The following ARMCX4 variants were observed in gnomAD, a reference collection of about 807,000 sequenced individuals.
ARMCX4 encodes armadillo repeat-containing X-linked protein 4.
Under a neutral mutation model 34.7 loss-of-function variants are expected in ARMCX4, and 3 were observed. The observed-to-expected ratio is 0.09, with a 90% CI of 0.04 to 0.22. The LOEUF (loss-of-function observed/expected upper bound fraction) is 0.22, where lower values mean the gene tolerates loss of function less well. Ranked by LOEUF, ARMCX4 falls within the 10% of genes least tolerant of loss-of-function variation. The pLI, the probability that ARMCX4 is intolerant of heterozygous loss-of-function variation, is 1.00. For missense variants in ARMCX4, 1,448 were observed against 1,720.8 expected (o/e 0.84, Z 2.81); for synonymous variants, 513 against 632.8 (o/e 0.81, Z 2.84).
chrX:101,513,135 G>A (rs1934631096), intron 11 of ARMCX4, among the ~76,000 whole-genome samples: 1 of 110,567 alleles, frequency 9.0e-6, no homozygotes, highest in African/African-American at 3.3e-5. Context: ...AGCTGATTTG[G>A]TGAGACCTAT....
At position 101,468,566 on chromosome X, in the gene ARMCX4, A is replaced by G. The variant is rs374498056; in HGVS notation, c.-472-17457A>G. Among the ~76,000 whole-genome samples the G allele has an allele frequency of 1.2e-3, 138 of 110,880 alleles. 1 individual carries two copies. The highest frequency in any genetic ancestry group is 4.3e-3 in the African/African-American group (130 of 30,493). On this transcript the variant is annotated intron_variant and NMD_transcript_variant, in intron 4 of 15. Transcript: ENST00000433011. ...TGGCCTCCCAAAGTGCTGGGATTAC[A>G]GGTGTGAGGCACCACGCCTGTCCTT...
Position 101,502,114 on chromosome X carries a change from G to T in ARMCX4, c.*1177+2748G>T, listed in dbSNP as rs1330159002. Among the ~76,000 whole-genome samples, 3 of 112,416 alleles carry T rather than the reference G, an allele frequency of 2.7e-5. No individual in the cohort carries two copies. In the East Asian group the frequency reaches 8.5e-4, roughly 32 times the overall value. Reference sequence around the variant, plus strand: ...AGCTCCTGACATGCTACTACATCCTGGTAGAGATGAAATGCCTGACTATAG... The same window carrying T: ...AGCTCCTGACATGCTACTACATCCTTGTAGAGATGAAATGCCTGACTATAG... On this transcript the variant is annotated intron_variant and NMD_transcript_variant, in intron 7 of 12. Transcript: ENST00000354842.
downstream of ARMCX4, among the ~76,000 whole-genome samples, chrX:101,497,628 A>T (rs1421171594): frequency 2.7e-5 from 3 of 112,142 alleles, no homozygotes; most frequent in Non-Finnish European, 5.6e-5. Context: ...AGATGGATTC[A>T]TATTAGGCAG....
intron 2 of ARMCX4, among the ~76,000 whole-genome samples, chrX:101,433,385 T>C (rs1930444049): frequency 9.1e-6 from 1 of 109,909 alleles, no homozygotes; most frequent in African/African-American, 3.3e-5. Flanking sequence ...TACATATATG[T>C]ACATATATAC....
chrX:101,490,806 G>C lies in ARMCX4; in HGVS notation c.2217G>C (p.Gly739=). ...ATCCCACTACTGTGCCTAATTCAGG[G>C]GTTGGGCCATATACAACAGACTCTG... ...RGNPTTVPNS[G]VGPYTTDSAR... The change falls in exon 6 of 6, where the codon GGG becomes GGC. Residue 739 remains glycine (G), a synonymous_variant. Coordinates refer to ENST00000423738, the MANE Select transcript of ARMCX4 (RefSeq NM_001256155.3). The C allele has an allele frequency of 1.8e-6, 2 of 1,106,908 alleles. No individual in the cohort carries two copies. Among genetic ancestry groups the C allele is most frequent in the Non-Finnish European group, 2.4e-6 (2 of 841,604 alleles). The allele number at this position is 1,106,908 out of a possible 1,213,427, so 91.2% of individuals were successfully genotyped here.
In ARMCX4 at chrX:101,432,862, G is replaced by A. The variant is rs782017730; in HGVS notation, n.165-11190G>A. Among the ~76,000 whole-genome samples, 182 of 80,470 alleles carry A rather than the reference G, an allele frequency of 2.3e-3. 1 individual carries two copies. Among genetic ancestry groups the A allele is most frequent in the African/African-American group, 8.3e-3 (175 of 21,123 alleles). 69.9% of individuals were successfully genotyped at this position (80,470 alleles called of 115,157 possible). ...TGTATACATATGTGTATATATACAC[G>A]TATATATACACATATGTATACGTGT... On this transcript the variant is annotated intron_variant and non_coding_transcript_variant, in intron 2 of 3. Transcript: ENST00000430461.
chrX:101,433,498 G>T (rs1285640057), intron 2 of ARMCX4, among the ~76,000 whole-genome samples: 5 of 111,151 alleles, frequency 4.5e-5, no homozygotes, highest in Non-Finnish European at 9.4e-5. Context: ...AAACATTTTT[G>T]GGAAAAGTAC....
At chrX:101,431,291 G>T (rs944505997) in intron 2 of ARMCX4, among the ~76,000 whole-genome samples, 1 of 111,453 alleles carries the variant, frequency 9.0e-6, no homozygotes, top group Non-Finnish European at 1.9e-5. Flanking sequence ...GAAGGAGTTG[G>T]GTGTCACTCC....
chrX:101,533,764 A>G (rs1169367073), downstream of ARMCX4, among the ~76,000 whole-genome samples: 1 of 112,096 alleles, frequency 8.9e-6, no homozygotes, highest in African/African-American at 3.2e-5. Context: ...CACTAGAAGC[A>G]TTTCCATTAA....
rs1449655521 is a variant in ARMCX4 at position 101,488,803 on chromosome X, G to A, written c.214G>A (p.Glu72Lys). 3.1e-5 allele frequency: 36 copies of A among 1,154,671 alleles called. No individual in the cohort carries two copies. The highest frequency in any genetic ancestry group is 4.0e-5 in the Non-Finnish European group (35 of 872,866). ...EAEIKTKPQVEIGAETGARSG... is the reference protein window; with the variant it reads ...EAEIKTKPQVKIGAETGARSG... ...AGAGATTAAGACTAAACCCCAAGTC[G>A]AGATTGGAGCAGAAACTGGAGCAAG... Residue 72 changes from glutamate to lysine, a missense_variant, in exon 6 of 6, where the codon GAG becomes AAG. Physicochemically the swap from Glu to Lys is moderately conservative, Grantham distance 56. This residue lies in a region of ARMCX4 where 1,343 missense variants were observed against 1,540.7 expected (regional missense o/e 0.87). Coordinates refer to ENST00000423738, the MANE Select transcript of ARMCX4 (RefSeq NM_001256155.3).
Position 101,419,539 on chromosome X carries a change from T to G in ARMCX4, n.164+539T>G, listed in dbSNP as rs782663835. 1.3e-4 allele frequency among the ~76,000 whole-genome samples: 15 copies of G among 112,107 alleles called. No individual in the cohort carries two copies. The South Asian group carries it at 5.5e-3, about 41-fold the overall frequency. ...GATATGATCTATTTTGTGGGGAGAC[T>G]AGCAGCAAAGTAAGACATAAAGATA... On this transcript the variant is annotated intron_variant and non_coding_transcript_variant, in intron 2 of 3. Transcript: ENST00000430461.
At chrX:101,464,055 G>C (rs905975508) in intron 4 of ARMCX4, among the ~76,000 whole-genome samples, 2 of 109,833 alleles carry the variant, frequency 1.8e-5, no homozygotes, top group African/African-American at 6.6e-5. Context: ...ACCGCGCCCA[G>C]CCTATTTTTT....
chrX:101,457,437 T>TA (rs1164355405), intron 4 of ARMCX4, among the ~76,000 whole-genome samples: 5 of 110,971 alleles, frequency 4.5e-5, no homozygotes, highest in African/African-American at 6.6e-5. Context: ...ATTTATTGGT[T>TA]AAAAAAAATG....
intron 8 of ARMCX4, among the ~76,000 whole-genome samples, chrX:101,508,595 G>C (rs1361151571): frequency 9.0e-6 from 1 of 111,148 alleles, no homozygotes. Context: ...TCACATTAAG[G>C]GTTTAGGGCT....
At chrX:101,512,041 G>A (rs1458789512) in intron 11 of ARMCX4, among the ~76,000 whole-genome samples, 1 of 111,226 alleles carries the variant, frequency 9.0e-6, no homozygotes, top group Non-Finnish European at 1.9e-5. Flanking sequence ...ACCTAGTATA[G>A]GGGCTGGAGG....
At chrX:101,433,041 C>CACATATGTATACATACACGTGTATATAT (rs1930310855) in intron 2 of ARMCX4, among the ~76,000 whole-genome samples, 13 of 67,347 alleles carry the variant, frequency 1.9e-4, no homozygotes, top group East Asian at 4.7e-4. Flanking sequence ...CGTGTATATA[C>CACATATGTATACATACACGTGTATATAT]ACACATATGT....
chrX:101,523,016 C>T (rs782475535), intron 11 of ARMCX4, among the ~76,000 whole-genome samples: 3 of 111,652 alleles, frequency 2.7e-5, no homozygotes, highest in Non-Finnish European at 3.8e-5. Context: ...ACATACAATT[C>T]GGGGAGTTAG....
Position 101,493,891 on chromosome X carries a change from G to A in ARMCX4, c.5302G>A (p.Ala1768Thr). The change falls in exon 6 of 6, where the codon GCA becomes ACA. Residue 1768 changes from alanine (A) to threonine (T), a missense_variant. Around this residue, in one of 2 missense-constraint regions of ARMCX4, gnomAD observed 1,343 missense variants for 1,540.7 expected, o/e 0.87. Coordinates refer to ENST00000423738, the MANE Select transcript of ARMCX4 (RefSeq NM_001256155.3). Reference sequence around the variant, plus strand: ...TGATGATAAAGATGAGGCCACTACTGCATCCAGATCAGGGGCTGGGGAAGA... The same window carrying A: ...TGATGATAAAGATGAGGCCACTACTACATCCAGATCAGGGGCTGGGGAAGA... ...RPDDKDEATT[A>T]SRSGAGEEAM... The A allele has an allele frequency of 8.7e-7, 1 of 1,152,141 alleles. No individual in the cohort carries two copies. Among genetic ancestry groups the A allele is most frequent in the Non-Finnish European group, 1.1e-6 (1 of 871,299 alleles). 94.9% of individuals were successfully genotyped at this position (1,152,141 alleles called of 1,213,427 possible). A position where few individuals can be genotyped will look rare whatever the true frequency, so the allele number is the denominator to read the frequency against.
chrX:101,511,304 A>AT (rs782783906), intron 11 of ARMCX4, among the ~76,000 whole-genome samples: 15 of 109,426 alleles, frequency 1.4e-4, no homozygotes, highest in African/African-American at 4.0e-4. Flanking sequence ...ACATTTGGGG[A>AT]TTTTTTCCCC....
Sources: gnomAD v4.1 joint callset for allele counts (sites outside exome capture counted in the v4.1 genomes callset) on GRCh38, gnomAD v4.1.1 for gene constraint, gnomAD v4.1.1 regional missense constraint, MANE v1.5 for transcripts, NCBI Gene and HGNC (gene_info 2026-07-23, HGNC 2026-07-21) for gene names.